The following CBR4 variants were observed in gnomAD, a reference collection of about 807,000 sequenced individuals.
The protein encoded by CBR4 is 3-oxoacyl-[acyl-carrier-protein] reductase.
Under a neutral mutation model 21.0 loss-of-function variants are expected in CBR4, and 22 were observed. That is an observed-to-expected ratio of 1.05 (90% CI 0.75 to 1.50). The LOEUF (loss-of-function observed/expected upper bound fraction) is 1.50, where lower values mean the gene tolerates loss of function less well. Ranked by LOEUF, CBR4 falls within the 40% of genes most tolerant of loss-of-function variation. CBR4 has a pLI of 0.00. For missense variants in CBR4, 302 were observed against 286.3 expected (o/e 1.05, Z -0.40); for synonymous variants, 100 against 104.4 (o/e 0.96, Z 0.26).
chr4:168,948,773 T>G (rs1279802407), intron 2 of CBR4, among the ~76,000 whole-genome samples: 1 of 152,234 alleles, frequency 6.6e-6, no homozygotes, highest in Non-Finnish European at 1.5e-5. Flanking sequence ...TATGGCCTTA[T>G]GGTATAGTTT....
rs375667102 is a variant in CBR4, at chr4:168,935,209, G to A, written n.170-40444C>T. On this transcript the variant is annotated intron_variant and non_coding_transcript_variant, in intron 2 of 3. Coordinates refer to the CBR4 transcript ENST00000509108. Reference sequence around the variant, plus strand: ...CCCTCCCCTAGCCAAGGGAAGCCGTGAGGGACTGTGCCATGAGGGACGGTG... The same window carrying A: ...CCCTCCCCTAGCCAAGGGAAGCCGTAAGGGACTGTGCCATGAGGGACGGTG... Among the ~76,000 whole-genome samples the A allele has an allele frequency of 4.9e-4, 74 of 152,322 alleles. 1 individual carries two copies. The East Asian group carries it at 0.013, about 27-fold the overall frequency.
intron 2 of CBR4, chr4:168,926,490 G>T: frequency 4.6e-6 from 3 of 657,968 alleles, no homozygotes; most frequent in Non-Finnish European, 4.3e-6. Flanking sequence ...TTGACTATAA[G>T]AAATTAAAAA....
chr4:168,938,125 A>G (rs1319564112), intron 2 of CBR4, among the ~76,000 whole-genome samples: 1 of 152,260 alleles, frequency 6.6e-6, no homozygotes, highest in Non-Finnish European at 1.5e-5. Context: ...GTCAGACCAC[A>G]GTGCAATCTA....
intron 2 of CBR4, among the ~76,000 whole-genome samples, chr4:168,931,827 A>G (rs911900801): frequency 3.3e-5 from 5 of 152,218 alleles, no homozygotes; most frequent in African/African-American, 9.6e-5. Context: ...TACAAACATC[A>G]GCAGACTGGA....
At chr4:168,916,192 C>T (rs886242319) in intron 2 of CBR4, among the ~76,000 whole-genome samples, 3 of 152,162 alleles carry the variant, frequency 2.0e-5, no homozygotes, top group Non-Finnish European at 4.4e-5. Flanking sequence ...CCGGGCAGAT[C>T]GCTTGATCCC....
At chr4:168,937,379 A>G (rs1316831835) in intron 2 of CBR4, among the ~76,000 whole-genome samples, 1 of 152,142 alleles carries the variant, frequency 6.6e-6, no homozygotes, top group Non-Finnish European at 1.5e-5. Flanking sequence ...AAAGACCATC[A>G]ACACTATGAA....
At chr4:168,904,154 C>G (rs1172792566) in intron 2 of CBR4, 1 of 481,518 alleles carries the variant, frequency 2.1e-6, no homozygotes, top group Admixed American at 3.3e-5. Flanking sequence ...TATGTACACA[C>G]TTTCTATGTG....
intron 2 of CBR4, chr4:168,924,177 A>G: frequency 7.7e-7 from 1 of 1,302,008 alleles, no homozygotes; most frequent in Non-Finnish European, 1.1e-6. Context: ...TTCAAGCAAT[A>G]TTCCAAAAGC....
chr4:168,958,196 G>A (rs760137351), intron 2 of CBR4, among the ~76,000 whole-genome samples: 5 of 151,882 alleles, frequency 3.3e-5, no homozygotes, highest in South Asian at 4.1e-4. Flanking sequence ...CCCAAGAGGC[G>A]GAGGTTGCAG....
rs1761518453 is a variant in CBR4 at position 168,921,524 on chromosome 4, T to C, written n.170-26759A>G. The C allele has an allele frequency of 4.5e-6, 7 of 1,570,964 alleles. No individual in the cohort carries two copies. The highest frequency in any genetic ancestry group is 6.1e-6 in the Non-Finnish European group (7 of 1,153,560). On this transcript the variant is annotated intron_variant and non_coding_transcript_variant, in intron 2 of 3. Transcript: ENST00000509108. The stretch of plus-strand genomic sequence containing the variant: ...TACAAAAATTTACATGTATTTCTTT[T>C]ATGATTTAGGTCAGTGGGTTACCAA...
At chr4:168,936,116 C>G (rs1396205910) in intron 2 of CBR4, among the ~76,000 whole-genome samples, 4 of 152,206 alleles carry the variant, frequency 2.6e-5, no homozygotes, top group Non-Finnish European at 5.9e-5. Flanking sequence ...TCTGCAGCCT[C>G]CGCTGGTGAT....
chr4:168,926,390 G>C, intron 2 of CBR4: 2 of 1,535,056 alleles, frequency 1.3e-6, no homozygotes, highest in South Asian at 2.4e-5. Context: ...CTGTAATCCA[G>C]CATTCTTGTT....
Position 168,896,574 on chromosome 4 carries a change from T to C in CBR4, n.170-1809A>G, listed in dbSNP as rs756024689. 75 of 1,517,018 alleles carry C rather than the reference T, an allele frequency of 4.9e-5. No individual in the cohort carries two copies. The African/African-American group carries it at 9.0e-4, about 18-fold the overall frequency. The allele number at this position is 1,517,018 out of a possible 1,614,324, so 94.0% of individuals were successfully genotyped here. Reference sequence around the variant, plus strand: ...GACATTGGTTCTCCTCATGCTTCTGTAGGGAGTCCTCTGGATGGTCAAAAG... The same window carrying C: ...GACATTGGTTCTCCTCATGCTTCTGCAGGGAGTCCTCTGGATGGTCAAAAG... On this transcript the variant is annotated intron_variant and non_coding_transcript_variant, in intron 2 of 3. Transcript: ENST00000509108.
chr4:168,945,911 C>A lies in CBR4; in HGVS notation n.170-51146G>T, dbSNP rs571658087. Reference sequence around the variant, plus strand: ...GAGTTAGGCACTAACTTACAGCAGACCCGCAAAGCTGAATTTTGGCCAGAA... The same window carrying A: ...GAGTTAGGCACTAACTTACAGCAGAACCGCAAAGCTGAATTTTGGCCAGAA... On this transcript the variant is annotated intron_variant and non_coding_transcript_variant, in intron 2 of 3. Transcript: ENST00000509108. 5.3e-5 allele frequency among the ~76,000 whole-genome samples: 8 copies of A among 152,178 alleles called. No homozygotes were observed. In the East Asian group the frequency reaches 5.8e-4, roughly 11 times the overall value.
chr4:168,979,832 G>A (rs1764489041), intron 2 of CBR4, among the ~76,000 whole-genome samples: 1 of 152,108 alleles, frequency 6.6e-6, no homozygotes, highest in African/African-American at 2.4e-5. Context: ...CTCTGCCACT[G>A]CCACTGCAAT....
At position 168,915,575 on chromosome 4, in the gene CBR4, AAATG is replaced by A. The variant is rs1488700778; in HGVS notation, n.170-20814_170-20811del. Among the ~76,000 whole-genome samples the A allele has an allele frequency of 2.0e-5, 3 of 152,216 alleles. No homozygotes were observed. The East Asian group carries it at 5.8e-4, about 29-fold the overall frequency. On this transcript the variant is annotated intron_variant and non_coding_transcript_variant, in intron 2 of 3. Coordinates refer to the CBR4 transcript ENST00000509108. ...CTTCTGTTGAAAAAGATTTGGTAAT[AAATG>A]AGCAATAATGCTACTTTTCATAAAT... is the stretch of plus-strand genomic sequence containing the variant.
intron 2 of CBR4, among the ~76,000 whole-genome samples, chr4:168,941,736 C>G (rs1763269553): frequency 6.6e-6 from 1 of 152,146 alleles, no homozygotes; most frequent in Non-Finnish European, 1.5e-5. Flanking sequence ...CTGTTGTTCC[C>G]CGACTTTTTA....
intron 2 of CBR4, among the ~76,000 whole-genome samples, chr4:168,899,303 C>T (rs1371810508): frequency 6.6e-6 from 1 of 152,042 alleles, no homozygotes; most frequent in Non-Finnish European, 1.5e-5. Flanking sequence ...AAGGAGCTGC[C>T]CTATCTTTAA....
chr4:168,960,980 C>T (rs1232472435), intron 2 of CBR4, among the ~76,000 whole-genome samples: 3 of 152,186 alleles, frequency 2.0e-5, no homozygotes. Flanking sequence ...TCTCAAACTG[C>T]TTGCTGAGCA....
Sources: allele counts gnomAD v4.1 joint callset (sites outside exome capture counted in the v4.1 genomes callset), GRCh38; gene constraint gnomAD v4.1.1; transcripts MANE v1.5; gene names NCBI Gene and HGNC (gene_info 2026-07-23, HGNC 2026-07-21).